Variants in PLCH1 observed in about 807,000 individuals in gnomAD.
PLCH1 encodes 1-phosphatidylinositol 4,5-bisphosphate phosphodiesterase eta-1.
In PLCH1, 60 loss-of-function variants were observed where a neutral mutation model predicts 126.7. That is an observed-to-expected ratio of 0.47 (90% CI 0.38 to 0.59). The LOEUF (loss-of-function observed/expected upper bound fraction) is 0.59. Ranked by LOEUF, PLCH1 falls within the 20% of genes least tolerant of loss-of-function variation. The pLI is 0.00. For missense variants in PLCH1, 1,723 were observed against 2,040.0 expected (o/e 0.84, Z 2.99); for synonymous variants, 719 against 734.9 (o/e 0.98, Z 0.35).
At chr3:155,610,390 C>CAAAA (rs1491267517) in intron 2 of PLCH1, among the ~76,000 whole-genome samples, 1 of 81,718 alleles carries the variant, frequency 1.2e-5, no homozygotes, top group African/African-American at 5.4e-5. Flanking sequence ...AAAAAAAAAA[C>CAAAA]CATCACCTAG....
intron 21 of PLCH1, among the ~76,000 whole-genome samples, chr3:155,468,839 C>A (rs989088815): frequency 6.6e-6 from 1 of 152,100 alleles, no homozygotes; most frequent in African/African-American, 2.4e-5. Context: ...ATCAACACTC[C>A]ACTTTCAGCA....
chr3:155,657,575 T>G (rs543167436), intron 2 of PLCH1, among the ~76,000 whole-genome samples: 5 of 152,314 alleles, frequency 3.3e-5, no homozygotes, highest in South Asian at 4.1e-4. Context: ...AGGTCACAGT[T>G]TAACTTTATA....
rs1480752857 is a variant in PLCH1, at chr3:155,511,920, C to T, written c.1632+2803G>A. Among the ~76,000 whole-genome samples the T allele has an allele frequency of 2.6e-5, 4 of 152,256 alleles. No homozygotes were observed. In the East Asian group the frequency reaches 7.7e-4, roughly 29 times the overall value. ...AGGCTGCTTTGTTTACCTAAGCAAG[C>T]CTGGGCAATGGCGGGCGCCCCTCCC... On this transcript the variant is annotated intron_variant, in intron 12 of 22. Coordinates refer to ENST00000460012, the MANE Select transcript of PLCH1 (RefSeq NM_014996.4).
chr3:155,735,687 A>G (rs1364665500), intron 1 of PLCH1, among the ~76,000 whole-genome samples: 8 of 152,126 alleles, frequency 5.3e-5, no homozygotes, highest in Non-Finnish European at 1.2e-4. Flanking sequence ...TACAGCAAAA[A>G]AGAAAAAGAT....
intron 10 of PLCH1, among the ~76,000 whole-genome samples, chr3:155,540,995 A>G (rs1161661765): frequency 1.3e-5 from 2 of 152,238 alleles, no homozygotes; most frequent in Non-Finnish European, 2.9e-5. Context: ...CCAAATGCCC[A>G]TCAATCAACG....
In PLCH1 at chr3:155,481,280, A is replaced by G; in HGVS notation, c.4746T>C (p.Ala1582=). The G allele has an allele frequency of 6.2e-7, 1 of 1,614,196 alleles. No homozygotes were observed. The highest frequency in any genetic ancestry group is 8.5e-7 in the Non-Finnish European group (1 of 1,180,030). Residue 1582 remains alanine (A), a synonymous_variant, in exon 23 of 23, where the codon GCT becomes GCC. Transcript: ENST00000460012. The surrounding 1 kb of genome is among the most constrained non-coding windows in gnomAD (Gnocchi z 4.2). ...CTTCCTGTTTCTCCTTGGCACGACT[A>G]GCAATATTGCGCACTCTGCTCTGAC... ...SRSQSRVRNI[A]SRAKEKQEAN... is the part of the protein sequence containing the mutation.
chr3:155,454,564 A>T (rs1405302829), intron 21 of PLCH1, among the ~76,000 whole-genome samples: 1 of 152,198 alleles, frequency 6.6e-6, no homozygotes, highest in Non-Finnish European at 1.5e-5. Flanking sequence ...AGGAATGTTG[A>T]CTTGGCATGG....
At chr3:155,664,463 T>C (rs1486628797) in intron 2 of PLCH1, among the ~76,000 whole-genome samples, 2 of 152,248 alleles carry the variant, frequency 1.3e-5, no homozygotes, top group East Asian at 3.8e-4. Flanking sequence ...TAAAGCCAGA[T>C]AGTAAATGTT....
At chr3:155,516,847 T>C (rs1414376206) in intron 11 of PLCH1, among the ~76,000 whole-genome samples, 2 of 151,904 alleles carry the variant, frequency 1.3e-5, no homozygotes, top group South Asian at 2.1e-4. Context: ...CTCAGTGTCA[T>C]TGAGAAGGCC....
At chr3:155,580,942 G>T (rs992966386) in intron 6 of PLCH1, among the ~76,000 whole-genome samples, 3 of 152,054 alleles carry the variant, frequency 2.0e-5, no homozygotes, top group Non-Finnish European at 4.4e-5. Context: ...CAAAAACTTA[G>T]CACAATACCT....
At chr3:155,678,880 A>G (rs917503188) in intron 2 of PLCH1, among the ~76,000 whole-genome samples, 16 of 152,154 alleles carry the variant, frequency 1.1e-4, no homozygotes, top group African/African-American at 3.6e-4. Flanking sequence ...ACCTTCACCA[A>G]TCAGGTGAAA....
At chr3:155,519,505 C>A (rs1239275767) in intron 11 of PLCH1, among the ~76,000 whole-genome samples, 1 of 152,122 alleles carries the variant, frequency 6.6e-6, no homozygotes, top group Non-Finnish European at 1.5e-5. Context: ...CCACAACCAT[C>A]ATTCCAGACT....
intron 1 of PLCH1, among the ~76,000 whole-genome samples, chr3:155,739,811 A>G (rs1200026644): frequency 6.6e-6 from 1 of 152,220 alleles, no homozygotes; most frequent in Non-Finnish European, 1.5e-5. Context: ...CATCAGTAAC[A>G]TAGGATAAGA....
chr3:155,525,673 G>C (rs553685434), intron 10 of PLCH1, among the ~76,000 whole-genome samples: 1 of 152,168 alleles, frequency 6.6e-6, no homozygotes, highest in East Asian at 1.9e-4. Context: ...CGAGACTCCT[G>C]CCCAGCTTGA....
chr3:155,457,376 T>C (rs939109326), intron 21 of PLCH1: 2 of 152,222 alleles, frequency 1.3e-5, no homozygotes, highest in African/African-American at 4.8e-5. Flanking sequence ...ATTGTCCCAT[T>C]GGACTTCATT....
intron 2 of PLCH1, among the ~76,000 whole-genome samples, chr3:155,619,606 G>A (rs1004016855): frequency 1.3e-5 from 2 of 151,880 alleles, no homozygotes; most frequent in South Asian, 2.1e-4. Flanking sequence ...TTTCTAAGGG[G>A]CAAGAGTCAA....
chr3:155,699,846 A>ACACACACACACACACACACACC (rs1746130424), intron 2 of PLCH1, among the ~76,000 whole-genome samples: 1 of 151,762 alleles, frequency 6.6e-6, no homozygotes, highest in Non-Finnish European at 1.5e-5. Flanking sequence ...ACACACACAC[A>ACACACACACACACACACACACC]CACCACTACC....
intron 10 of PLCH1, among the ~76,000 whole-genome samples, chr3:155,543,074 A>T (rs1724609185): frequency 6.6e-6 from 1 of 152,240 alleles, no homozygotes; most frequent in Non-Finnish European, 1.5e-5. Flanking sequence ...AAGGCTTCAG[A>T]TGATCAAACT....
intron 10 of PLCH1, among the ~76,000 whole-genome samples, chr3:155,526,292 G>T (rs1721882225): frequency 6.6e-6 from 1 of 151,958 alleles, no homozygotes; most frequent in African/African-American, 2.4e-5. Context: ...GTGATGGGAG[G>T]TTACTTATCA....
Sources: gnomAD v4.1 joint callset for allele counts (sites outside exome capture counted in the v4.1 genomes callset) on GRCh38, gnomAD v4.1.1 for gene constraint, Gnocchi (gnomAD v3.1) non-coding constraint, MANE v1.5 for transcripts, NCBI Gene and HGNC (gene_info 2026-07-23, HGNC 2026-07-21) for gene names.